The following HNRNPA2B1 variants were observed in gnomAD, a reference collection of about 807,000 sequenced individuals.
The protein encoded by HNRNPA2B1 is heterogeneous nuclear ribonucleoprotein A2/B1, also known as heterogeneous nuclear ribonucleoproteins A2/B1.
In HNRNPA2B1, 3 loss-of-function variants were observed where a neutral mutation model predicts 46.3. The ratio of observed to expected loss-of-function variants is 0.06; its 90% CI spans 0.03 to 0.17. The LOEUF (loss-of-function observed/expected upper bound fraction) is 0.17. Ranked by LOEUF, HNRNPA2B1 falls within the 10% of genes least tolerant of loss-of-function variation. The probability of loss-of-function intolerance (pLI) is 1.00; values close to 1 mark genes in which losing one functional copy is unlikely to be tolerated. For missense variants in HNRNPA2B1, 221 were observed against 418.9 expected (o/e 0.53, Z 4.12); for synonymous variants, 225 against 133.8 (o/e 1.68, Z -4.70).
chr7:26,192,962 T>TA (rs1783080479), intron 9 of HNRNPA2B1, among the ~76,000 whole-genome samples: 1 of 152,188 alleles, frequency 6.6e-6, no homozygotes, highest in South Asian at 2.1e-4. Context: ...TTCCAATGTA[T>TA]ACCACTTGCA....
Position 26,191,789 on chromosome 7 carries a change from A to G in HNRNPA2B1, c.*571T>C, listed in dbSNP as rs1782944840. 6.6e-6 allele frequency: 1 copy of G among 152,556 alleles called. No homozygotes were observed. The highest frequency in any genetic ancestry group is 2.4e-5 in the African/African-American group (1 of 41,452). The allele number at this position is 152,556 out of a possible 1,614,324, so 9.5% of individuals were successfully genotyped here. A position where few individuals can be genotyped will look rare whatever the true frequency, so the allele number is the denominator to read the frequency against. ...TAACAACAGCTTTGCAACGGACCTT[A>G]ATTATACTACCCACTCCTTAACTTA... On this transcript the variant is annotated 3_prime_UTR_variant, in exon 11 of 11. Transcript: ENST00000618183.
At chr7:26,200,084 G>A (rs13230913) in intron 1 of HNRNPA2B1, 4,741 of 173,972 alleles carry the variant, frequency 0.027, 155 homozygotes, top group African/African-American at 0.084. Flanking sequence ...AGCACACTAA[G>A]AAAATAAAAG....
At chr7:26,197,597 A>C (rs756529883) in intron 2 of HNRNPA2B1, 25 bp downstream of exon 2, 2 of 1,580,268 alleles carry the variant, frequency 1.3e-6, no homozygotes, top group Non-Finnish European at 1.7e-6. Context: ...ACTAATATCC[A>C]GTAACAATTC....
intron 7 of HNRNPA2B1, among the ~76,000 whole-genome samples, chr7:26,194,184 C>T (rs555856641): frequency 6.6e-6 from 1 of 152,106 alleles, no homozygotes; most frequent in South Asian, 2.1e-4. Flanking sequence ...ATCACGAGGT[C>T]AAGAGATTGA....
intron 5 of HNRNPA2B1, 24 bp from the exon 6 acceptor site, chr7:26,196,505 A>G: frequency 6.2e-7 from 1 of 1,613,850 alleles, no homozygotes; most frequent in Non-Finnish European, 8.5e-7. Context: ...CCCAGTTAGA[A>G]GCAAGCCCTT....
rs1783115241 is a variant in HNRNPA2B1, at chr7:26,193,234, C to CA, written c.964+16dup. 6.2e-7 allele frequency: 1 copy of CA among 1,603,746 alleles called. No individual in the cohort carries two copies. The highest frequency in any genetic ancestry group is 1.7e-5 in the Admixed American group (1 of 57,228). On this transcript the variant is annotated intron_variant, in intron 9 of 10. Transcript: ENST00000618183. Reference sequence around the variant, plus strand: ...TTAATCACAAAAATCTGAATAACCTCAATTTTTATAAATTACCTCCACCAT... The same window carrying CA: ...TTAATCACAAAAATCTGAATAACCTCAAATTTTTATAAATTACCTCCACCAT...
chr7:26,200,031 A>T (rs1433678025), intron 1 of HNRNPA2B1: 4 of 159,382 alleles, frequency 2.5e-5, no homozygotes, highest in Non-Finnish European at 5.6e-5. Context: ...ACAGCCCGAG[A>T]AGAAAAAAAA....
chr7:26,195,776 A>C, intron 7 of HNRNPA2B1, 71 bp downstream of exon 7: 1 of 1,511,170 alleles, frequency 6.6e-7, no homozygotes, highest in Non-Finnish European at 8.9e-7. Context: ...CTCAAAATAT[A>C]AATGAAGTAA....
chr7:26,200,062 C>T (rs1432494887), intron 1 of HNRNPA2B1: 1 of 166,222 alleles, frequency 6.0e-6, no homozygotes, highest in East Asian at 1.8e-4. Context: ...ACTTCTACTT[C>T]TTGATAGAGA....
intron 8 of HNRNPA2B1, 36 bp downstream of exon 8, chr7:26,193,539 A>G: frequency 2.6e-6 from 4 of 1,568,228 alleles, no homozygotes; most frequent in Non-Finnish European, 3.4e-6. Context: ...CATTAATTCC[A>G]AATTCCCACA....
intron 1 of HNRNPA2B1, 191 bp from the exon 2 acceptor site, chr7:26,197,923 A>G: frequency 1.5e-6 from 2 of 1,366,566 alleles, no homozygotes; most frequent in East Asian, 2.3e-5. Context: ...ACTGCATATT[A>G]GTTGTGTTAC....
chr7:26,195,700 A>T, intron 7 of HNRNPA2B1, 147 bp downstream of exon 7: 1 of 807,332 alleles, frequency 1.2e-6, no homozygotes, highest in Non-Finnish European at 1.9e-6. Context: ...TGGCAAAACT[A>T]CTTAGAAATA....
At chr7:26,193,405 C>T in intron 8 of HNRNPA2B1, 32 bp from the exon 9 acceptor site, 3 of 1,600,750 alleles carry the variant, frequency 1.9e-6, no homozygotes, top group Non-Finnish European at 2.6e-6. Flanking sequence ...CAGAACAATA[C>T]AAACATTAAA....
At position 26,196,916 on chromosome 7, in the gene HNRNPA2B1, T is replaced by A. The variant is rs772649163; in HGVS notation, c.366A>T (p.Glu122Asp). The A allele has an allele frequency of 5.0e-6, 8 of 1,613,334 alleles. No homozygotes were observed. The East Asian group carries it at 1.6e-4, about 31-fold the overall frequency. ...TCTCAATGGTATCAATTTTTCCATATTCCTCAAAGTAATCTCTAAGGTGAT... is the reference window on the plus strand; with the variant it reads ...TCTCAATGGTATCAATTTTTCCATAATCCTCAAAGTAATCTCTAAGGTGAT... The part of the protein sequence containing the change: ...EEHHLRDYFE[E>D]YGKIDTIEII... The change falls in exon 4 of 11, where the codon GAA becomes GAT. Residue 122 changes from glutamate (E) to aspartate (D), a missense_variant. Transcript: ENST00000618183.
At chr7:26,196,250 G>A (rs1167833113) in intron 6 of HNRNPA2B1, 151 bp downstream of exon 6, 3 of 670,836 alleles carry the variant, frequency 4.5e-6, no homozygotes, top group Non-Finnish European at 7.6e-6. Context: ...TTCTTGTCTG[G>A]CCAAATCACA....
chr7:26,197,524 A>T (rs908434497), intron 2 of HNRNPA2B1, 63 bp from the exon 3 acceptor site: 6 of 1,588,052 alleles, frequency 3.8e-6, no homozygotes, highest in East Asian at 2.2e-5. Flanking sequence ...TGAAGTCATA[A>T]TAGAATTTTT....
chr7:26,197,528 A>T, intron 2 of HNRNPA2B1, 67 bp from the exon 3 acceptor site: 1 of 1,578,022 alleles, frequency 6.3e-7, no homozygotes. Context: ...GTCATAATAG[A>T]ATTTTTTACT....
rs1431071567 is a variant in HNRNPA2B1 at position 26,192,649 on chromosome 7, G to A, written c.965-72C>T. ...CCATGATCAGCCTAACACTACAGTT[G>A]ATTCTATTTTATATCCATCCAGTCT... On this transcript the variant is annotated intron_variant, in intron 9 of 10. Transcript: ENST00000618183. 7.0e-5 allele frequency: 86 copies of A among 1,231,684 alleles called. 1 individual carries two copies. The highest frequency in any genetic ancestry group is 9.9e-5 in the Non-Finnish European group (83 of 834,502). The allele number at this position is 1,231,684 out of a possible 1,614,324, so 76.3% of individuals were successfully genotyped here. A position where few individuals can be genotyped will look rare whatever the true frequency, so the allele number is the denominator to read the frequency against.
At position 26,190,434 on chromosome 7, in the gene HNRNPA2B1, A is replaced by G. The variant is rs1782766145; in HGVS notation, c.*1926T>C. ...AGACTCTGTGGTTGACCACTTCTTCATTAGTTACCTGCAGCAAGACACCTT... is the reference window on the plus strand; with the variant it reads ...AGACTCTGTGGTTGACCACTTCTTCGTTAGTTACCTGCAGCAAGACACCTT... On this transcript the variant is annotated 3_prime_UTR_variant, in exon 11 of 11. Coordinates refer to ENST00000618183, the MANE Select transcript of HNRNPA2B1 (RefSeq NM_002137.4). 6.6e-6 allele frequency: 1 copy of G among 152,652 alleles called. No individual in the cohort carries two copies. Among genetic ancestry groups the G allele is most frequent in the Admixed American group, 6.5e-5 (1 of 15,286 alleles). 9.5% of individuals were successfully genotyped at this position (152,652 alleles called of 1,614,324 possible).
Sources: allele counts gnomAD v4.1 joint callset (sites outside exome capture counted in the v4.1 genomes callset), GRCh38; gene constraint gnomAD v4.1.1; transcripts MANE v1.5; gene names NCBI Gene and HGNC (gene_info 2026-07-23, HGNC 2026-07-21).